CLEC6A: variants seen among roughly 807,000 people sequenced by gnomAD.
CLEC6A encodes the protein C-type lectin domain containing 6A.
Under a neutral mutation model 25.7 loss-of-function variants are expected in CLEC6A, and 22 were observed. That is an observed-to-expected ratio of 0.85 (90% CI 0.61 to 1.22). CLEC6A has a LOEUF of 1.22. Ranked by LOEUF, CLEC6A falls within the 50% of genes most tolerant of loss-of-function variation. The pLI is 0.00. For missense variants in CLEC6A, 240 were observed against 236.8 expected (o/e 1.01, Z -0.09); for synonymous variants, 92 against 76.7 (o/e 1.20, Z -1.04).
At chr12:8,460,546 A>G in intron 3 of CLEC6A, 1 of 774,854 alleles carries the variant, frequency 1.3e-6, no homozygotes, top group Non-Finnish European at 2.1e-6. Flanking sequence ...CAGAGAACCA[A>G]ACCATATCAG....
intron 3 of CLEC6A, among the ~76,000 whole-genome samples, chr12:8,461,813 G>A (rs529196500): frequency 3.2e-4 from 48 of 152,164 alleles, no homozygotes; most frequent in Non-Finnish European, 5.9e-4. Flanking sequence ...AGCTGCATAC[G>A]AAGAGCTAGA....
chr12:8,462,752 G>A, intron 3 of CLEC6A, among the ~76,000 whole-genome samples: 1 of 151,964 alleles, frequency 6.6e-6, no homozygotes, highest in East Asian at 1.9e-4. Context: ...TCAGAGGCTG[G>A]CGGGATCCTC....
At chr12:8,476,083 G>A in intron 4 of CLEC6A, 42 bp from the exon 5 acceptor site, 1 of 1,316,272 alleles carries the variant, frequency 7.6e-7, no homozygotes, top group South Asian at 1.2e-5. Flanking sequence ...GTTCAATCTG[G>A]AAATACCAAA....
At chr12:8,472,275 A>G (rs1025525584) in intron 4 of CLEC6A, among the ~76,000 whole-genome samples, 9 of 152,084 alleles carry the variant, frequency 5.9e-5, no homozygotes, top group Non-Finnish European at 1.2e-4. Context: ...CCTGGTGTCT[A>G]TATGCAGTAC....
At position 8,465,551 on chromosome 12, in the gene CLEC6A, G is replaced by T; in HGVS notation, c.291G>T (p.Glu97Asp). The change falls in exon 4 of 6, where the codon GAG becomes GAT. Residue 97 changes from glutamate (E) to aspartate (D), a missense_variant. By Grantham distance (45) the Glu-to-Asp change is conservative. Coordinates refer to ENST00000382073, the MANE Select transcript of CLEC6A (RefSeq NM_001007033.2). Reference protein sequence around the residue: ...GSSCYFISSEEKVWSKSEQNC... With the variant: ...GSSCYFISSEDKVWSKSEQNC... ...GTTGCTACTTCATTTCCAGTGAAGA[G>T]AAGGTTTGGTCTAAGAGTGAGCAGA... 1.9e-6 allele frequency: 3 copies of T among 1,613,976 alleles called. No individual in the cohort carries two copies. Among genetic ancestry groups the T allele is most frequent in the Non-Finnish European group, 2.5e-6 (3 of 1,179,900 alleles).
chr12:8,477,082 C>T (rs138879101), intron 5 of CLEC6A, among the ~76,000 whole-genome samples: 162 of 152,096 alleles, frequency 1.1e-3, no homozygotes, highest in Middle Eastern at 6.8e-3. Flanking sequence ...ATGATTGCAG[C>T]GGAAAGATCT....
intron 4 of CLEC6A, 43 bp downstream of exon 4, chr12:8,465,672 C>T (rs142029143): frequency 6.4e-7 from 1 of 1,556,644 alleles, no homozygotes; most frequent in African/African-American, 1.4e-5. Flanking sequence ...AGAGAAAACA[C>T]ACAATATAAA....
chr12:8,460,994 C>T (rs1383070349), intron 3 of CLEC6A: 1 of 1,268,952 alleles, frequency 7.9e-7, no homozygotes, highest in Non-Finnish European at 1.1e-6. Flanking sequence ...GAAGATTCCA[C>T]ATAAAAATTT....
intron 3 of CLEC6A, among the ~76,000 whole-genome samples, chr12:8,462,339 C>G (rs1249328848): frequency 7.1e-6 from 1 of 141,362 alleles, no homozygotes; most frequent in East Asian, 2.1e-4. Flanking sequence ...CGTCCCCCAG[C>G]CTGACACCCG....
intron 4 of CLEC6A, among the ~76,000 whole-genome samples, 167 bp from the exon 5 acceptor site, chr12:8,475,958 G>T (rs1939968100): frequency 6.6e-6 from 1 of 152,150 alleles, no homozygotes. Flanking sequence ...TCCCTGTAAT[G>T]ATATTGTTAC....
At chr12:8,474,781 G>A (rs1489732168) in intron 4 of CLEC6A, among the ~76,000 whole-genome samples, 1 of 152,154 alleles carries the variant, frequency 6.6e-6, no homozygotes, top group African/African-American at 2.4e-5. Context: ...TAATTGGAAA[G>A]ATGAGAAGAA....
rs746059514 is a variant in CLEC6A, at chr12:8,472,994, CTT to C, written c.370-3113_370-3112del. On this transcript the variant is annotated intron_variant, in intron 4 of 5. Transcript: ENST00000382073. ...AGTACTCAGTGTTTAGCTCCTACTT[CTT>C]TTTTTTTTTTTTTTTTTGAGACGGA... Among the ~76,000 whole-genome samples the C allele has an allele frequency of 8.4e-4, 3 of 3,574 alleles. 1 individual carries two copies. Among genetic ancestry groups the C allele is most frequent in the African/African-American group, 4.6e-4 (1 of 2,152 alleles). The allele number at this position is 3,574 out of a possible 152,430, so 2.3% of individuals were successfully genotyped here.
chr12:8,471,038 A>G (rs187248096), intron 4 of CLEC6A, among the ~76,000 whole-genome samples: 32 of 152,210 alleles, frequency 2.1e-4, no homozygotes, highest in African/African-American at 6.7e-4. Context: ...GGTTTTATGC[A>G]CCAATTGAGG....
chr12:8,477,513 C>G lies in CLEC6A; in HGVS notation c.*49C>G, dbSNP rs767884102. Reference sequence around the variant, plus strand: ...AGAAGAATTACTGACGTAATTTTTTCCCTGACGTCTTTAAAATTGAACCCT... The same window carrying G: ...AGAAGAATTACTGACGTAATTTTTTGCCTGACGTCTTTAAAATTGAACCCT... On this transcript the variant is annotated 3_prime_UTR_variant, in exon 6 of 6. Transcript: ENST00000382073. 1 of 1,447,432 alleles carries G rather than the reference C, an allele frequency of 6.9e-7. No homozygotes were observed. The highest frequency in any genetic ancestry group is 9.4e-7 in the Non-Finnish European group (1 of 1,067,674). The allele number at this position is 1,447,432 out of a possible 1,614,324, so 89.7% of individuals were successfully genotyped here.
In CLEC6A at chr12:8,477,328, A is replaced by G; in HGVS notation, c.494A>G (p.His165Arg). 2 of 1,607,472 alleles carry G rather than the reference A, an allele frequency of 1.2e-6. No individual in the cohort carries two copies. Among genetic ancestry groups the G allele is most frequent in the Non-Finnish European group, 1.7e-6 (2 of 1,177,270 alleles). The change falls in exon 6 of 6, where the codon CAC (histidine) becomes CGC (arginine). Residue 165 changes from histidine (H) to arginine (R), a missense_variant. Coordinates refer to ENST00000382073, the MANE Select transcript of CLEC6A (RefSeq NM_001007033.2). ...TPYEKNVRFW[H>R]LGEPNHSAEQ... ...TTTTTGTTTTCCTTTAGATTTTGGC[A>G]CCTAGGTGAGCCCAATCATTCTGCA...
In CLEC6A at chr12:8,477,768, TTTTG is replaced by T. The variant is rs1449252862; in HGVS notation, c.*311_*314del. On this transcript the variant is annotated 3_prime_UTR_variant, in exon 6 of 6. Transcript: ENST00000382073. ...ATTTATTGTTTCAGAGACTGTACTATTTTGTTTGTTAGAAGATTTATAAGGCAGT... is the reference window on the plus strand; with the variant it reads ...ATTTATTGTTTCAGAGACTGTACTATTTTGTTAGAAGATTTATAAGGCAGT... 5.5e-6 allele frequency: 1 copy of T among 181,594 alleles called. No individual in the cohort carries two copies. The highest frequency in any genetic ancestry group is 1.1e-5 in the Non-Finnish European group (1 of 87,676). The allele number at this position is 181,594 out of a possible 1,614,324, so 11.2% of individuals were successfully genotyped here.
chr12:8,467,962 A>G (rs1324107043), intron 4 of CLEC6A, among the ~76,000 whole-genome samples: 5 of 151,698 alleles, frequency 3.3e-5, no homozygotes, highest in Admixed American at 1.3e-4. Context: ...TTTTTCCCCA[A>G]GACGGAGTTT....
At chr12:8,465,329 T>C (rs781724397) in intron 3 of CLEC6A, among the ~76,000 whole-genome samples, 155 bp from the exon 4 acceptor site, 1 of 152,064 alleles carries the variant, frequency 6.6e-6, no homozygotes, top group Admixed American at 6.5e-5. Flanking sequence ...CTAAAGAATG[T>C]TTATGTGAAA....
At chr12:8,465,768 T>A in intron 4 of CLEC6A, 139 bp downstream of exon 4, 1 of 649,446 alleles carries the variant, frequency 1.5e-6, no homozygotes, top group South Asian at 3.7e-5. Context: ...CTAGAACTTT[T>A]TCATCTTGCA....
Sources: allele counts gnomAD v4.1 joint callset (sites outside exome capture counted in the v4.1 genomes callset), GRCh38; gene constraint gnomAD v4.1.1; transcripts MANE v1.5; gene names NCBI Gene and HGNC (gene_info 2026-07-23, HGNC 2026-07-21).